Variants in EIF2B3 observed in about 807,000 individuals in gnomAD.
EIF2B3 encodes translation initiation factor eIF2B subunit gamma.
EIF2B3 carries 20 observed loss-of-function variants against 54.1 expected under a neutral mutation model. The ratio of observed to expected loss-of-function variants is 0.37; its 90% CI spans 0.26 to 0.54. The LOEUF is 0.54. Among genes scored for constraint, EIF2B3 ranks in the 20% least tolerant of loss-of-function variants. The pLI is 0.86. For missense variants in EIF2B3, 448 were observed against 547.8 expected (o/e 0.82, Z 1.82); for synonymous variants, 153 against 188.1 (o/e 0.81, Z 1.52).
chr1:44,976,525 T>C (rs1644454700), intron 3 of EIF2B3, among the ~76,000 whole-genome samples: 1 of 152,210 alleles, frequency 6.6e-6, no homozygotes, highest in Non-Finnish European at 1.5e-5. Context: ...GTACAATCAC[T>C]TTAGAAAACT....
chr1:44,947,055 T>G (rs1644110286), intron 3 of EIF2B3, among the ~76,000 whole-genome samples: 1 of 152,232 alleles, frequency 6.6e-6, no homozygotes, highest in Admixed American at 6.5e-5. Flanking sequence ...ACCCACTTCT[T>G]TTCTAATGCC....
rs772165204 is a variant in EIF2B3, at chr1:44,875,707, A to C, written c.976-12T>G. ...AGCAATTTGGGCACCTTAAGGACAG[A>C]GATTTGGTCACTAAAGATCAGAAAA... On this transcript the variant is annotated splice_polypyrimidine_tract_variant and intron_variant, in intron 8 of 11. Transcript: ENST00000360403. 1.7e-5 allele frequency: 28 copies of C among 1,612,760 alleles called. No individual in the cohort carries two copies. Among genetic ancestry groups the C allele is most frequent in the Non-Finnish European group, 2.4e-5 (28 of 1,178,858 alleles).
At chr1:44,931,021 C>T (rs936318958) in intron 4 of EIF2B3, among the ~76,000 whole-genome samples, 1 of 152,288 alleles carries the variant, frequency 6.6e-6, no homozygotes, top group South Asian at 2.1e-4. Context: ...TCTTGTATAT[C>T]CCTTCTTGAA....
chr1:44,940,670 C>T, intron 4 of EIF2B3: 1 of 154,192 alleles, frequency 6.5e-6, no homozygotes, highest in Non-Finnish European at 1.4e-5. Context: ...ACTCGGGAGG[C>T]TGAGGCAGGT....
At chr1:44,859,118 G>C (rs1040526092) in intron 10 of EIF2B3, among the ~76,000 whole-genome samples, 5 of 151,816 alleles carry the variant, frequency 3.3e-5, no homozygotes, top group Non-Finnish European at 5.9e-5. Flanking sequence ...GGGCAGCATT[G>C]TGAGACTCTT....
chr1:44,928,544 T>C (rs1643872785), intron 4 of EIF2B3, among the ~76,000 whole-genome samples: 2 of 150,458 alleles, frequency 1.3e-5, no homozygotes, highest in Non-Finnish European at 3.0e-5. Context: ...AATAATAACC[T>C]AGGTCTTCTT....
At chr1:44,896,813 A>G (rs1426321901) in intron 6 of EIF2B3, among the ~76,000 whole-genome samples, 3 of 152,248 alleles carry the variant, frequency 2.0e-5, no homozygotes, top group Non-Finnish European at 4.4e-5. Context: ...AAGTCCTACA[A>G]TTCTGTTCTA....
intron 1 of EIF2B3, among the ~76,000 whole-genome samples, chr1:44,984,967 C>T (rs1260268312): frequency 6.7e-6 from 1 of 149,854 alleles, no homozygotes; most frequent in Non-Finnish European, 1.5e-5. Flanking sequence ...CCACCGCGCC[C>T]GGCTAATTTT....
At chr1:44,911,986 T>G (rs954946962) in intron 5 of EIF2B3, among the ~76,000 whole-genome samples, 2 of 151,026 alleles carry the variant, frequency 1.3e-5, no homozygotes, top group African/African-American at 4.9e-5. Context: ...GATAGTTTAC[T>G]GAGAATGATG....
chr1:44,915,229 G>C (rs900148509), intron 5 of EIF2B3, among the ~76,000 whole-genome samples: 10 of 151,230 alleles, frequency 6.6e-5, no homozygotes, highest in African/African-American at 2.4e-4. Flanking sequence ...GAGCCTGGGA[G>C]GCGGAGATTG....
In EIF2B3 at chr1:44,915,480, G is replaced by C. The variant is rs1490822112; in HGVS notation, c.566+11148C>G. Among the ~76,000 whole-genome samples the C allele has an allele frequency of 2.0e-5, 3 of 151,808 alleles. No individual in the cohort carries two copies. The East Asian group carries it at 5.9e-4, about 30-fold the overall frequency. ...AGGCTCAAGCAATCCTCCTGTCTCA[G>C]CCACCTAAGCAGCTGGGATTAAAGA... On this transcript the variant is annotated intron_variant, in intron 5 of 11. Transcript: ENST00000360403.
chr1:44,980,022 G>C (rs975209706), intron 2 of EIF2B3, among the ~76,000 whole-genome samples: 6 of 152,024 alleles, frequency 3.9e-5, no homozygotes, highest in Admixed American at 3.9e-4. Flanking sequence ...CTTCCTATTG[G>C]AGGCAACTCT....
chr1:44,960,892 T>C lies in EIF2B3; in HGVS notation c.294+17423A>G, dbSNP rs182250354. Among the ~76,000 whole-genome samples, 236 of 151,310 alleles carry C rather than the reference T, an allele frequency of 1.6e-3. 1 individual carries two copies. The highest frequency in any genetic ancestry group is 5.5e-3 in the African/African-American group (222 of 40,616). ...AAATAAAGCTACTTCTTTCCTTACCTTTTTGTCAACTGTTGCCTTTGGTTT... is the reference window on the plus strand; with the variant it reads ...AAATAAAGCTACTTCTTTCCTTACCCTTTTGTCAACTGTTGCCTTTGGTTT... On this transcript the variant is annotated intron_variant, in intron 3 of 11. Transcript: ENST00000360403.
chr1:44,965,491 T>TA (rs112335754), intron 3 of EIF2B3, among the ~76,000 whole-genome samples: 28,577 of 151,716 alleles, frequency 0.19, 2,850 homozygotes, highest in African/African-American at 0.23. Flanking sequence ...AGAGTTAGAG[T>TA]GATTATAAAG....
At chr1:44,931,130 T>C (rs936095499) in intron 4 of EIF2B3, among the ~76,000 whole-genome samples, 4 of 152,184 alleles carry the variant, frequency 2.6e-5, no homozygotes, top group South Asian at 2.1e-4. Flanking sequence ...GTGACTTCTG[T>C]CTTTCTAGAA....
rs560913284 is a variant in EIF2B3 at position 44,865,826 on chromosome 1, C to T, written c.1203-8019G>A. 3.3e-5 allele frequency among the ~76,000 whole-genome samples: 5 copies of T among 152,138 alleles called. No homozygotes were observed. In the East Asian group the frequency reaches 9.7e-4, roughly 29 times the overall value. On this transcript the variant is annotated intron_variant, in intron 10 of 11. Transcript: ENST00000360403. The stretch of plus-strand genomic sequence containing the variant: ...CAGGTGATCTACCCGCCTCAGCTTC[C>T]CAAAATGCTGAGATTACAGGCATGA...
chr1:44,926,722 T>C lies in EIF2B3; in HGVS notation c.472A>G (p.Ile158Val). The C allele has an allele frequency of 6.2e-7, 1 of 1,613,368 alleles. No homozygotes were observed. Among genetic ancestry groups the C allele is most frequent in the Non-Finnish European group, 8.5e-7 (1 of 1,179,898 alleles). ...CTCTTTCCTGTGCTGTCCACTCCAA[T>C]GAAGTCACGCTGCTCCACTGAATCA... Reference protein sequence around the residue: ...KKKAVEQRDFIGVDSTGKRLL... With the variant: ...KKKAVEQRDFVGVDSTGKRLL... Residue 158 changes from isoleucine to valine, a missense_variant, in exon 5 of 12, where the codon ATT (isoleucine) becomes GTT (valine). Coordinates refer to ENST00000360403, the MANE Select transcript of EIF2B3 (RefSeq NM_020365.5).
intron 5 of EIF2B3, among the ~76,000 whole-genome samples, chr1:44,902,896 T>C (rs1643342250): frequency 6.7e-6 from 1 of 148,862 alleles, no homozygotes; most frequent in African/African-American, 2.5e-5. Context: ...TTGGGCAGAT[T>C]ACTTTTAAAT....
chr1:44,907,244 TTG>T (rs1643428939), intron 5 of EIF2B3, among the ~76,000 whole-genome samples: 1 of 152,162 alleles, frequency 6.6e-6, no homozygotes. Flanking sequence ...GCAAATTTGA[TTG>T]TGTCATTCCC....
Sources: gnomAD v4.1 joint callset for allele counts (sites outside exome capture counted in the v4.1 genomes callset) on GRCh38, gnomAD v4.1.1 for gene constraint, MANE v1.5 for transcripts, NCBI Gene and HGNC (gene_info 2026-07-23, HGNC 2026-07-21) for gene names.